VRK2: variants seen among roughly 807,000 people sequenced by gnomAD.
VRK2 encodes VRK serine/threonine kinase 2, also known as serine/threonine-protein kinase VRK2.
In VRK2, 60 loss-of-function variants were observed where a neutral mutation model predicts 57.6. The observed-to-expected ratio is 1.04, with a 90% confidence interval of 0.85 to 1.29. VRK2 has a LOEUF of 1.29. VRK2 is among the 50% of genes most tolerant of loss of function. VRK2 has a pLI of 0.00. For missense variants in VRK2, 705 were observed against 588.1 expected (o/e 1.20, Z -2.06); for synonymous variants, 231 against 199.2 (o/e 1.16, Z -1.35).
intron 1 of VRK2, among the ~76,000 whole-genome samples, chr2:57,918,732 C>G (rs1381500603): frequency 1.3e-5 from 2 of 152,080 alleles, no homozygotes; most frequent in Admixed American, 1.3e-4. Flanking sequence ...AGAAAACTCA[C>G]TTCTACTTTT....
At chr2:58,126,378 T>A (rs1396658371) in intron 8 of VRK2, among the ~76,000 whole-genome samples, 1 of 152,110 alleles carries the variant, frequency 6.6e-6, no homozygotes, top group Admixed American at 6.5e-5. Context: ...AATCTCATTT[T>A]TCTATGGATT....
intron 7 of VRK2, among the ~76,000 whole-genome samples, chr2:58,096,713 T>A (rs951615943): frequency 3.3e-5 from 5 of 151,816 alleles, no homozygotes; most frequent in Non-Finnish European, 7.4e-5. Context: ...TTATTATTAA[T>A]TTCTGACTTT....
chr2:58,031,702 T>C (rs1215939670), intron 2 of VRK2, among the ~76,000 whole-genome samples: 1 of 152,074 alleles, frequency 6.6e-6, no homozygotes, highest in East Asian at 1.9e-4. Flanking sequence ...TTCCTAAAAT[T>C]TTCTGGACTT....
At chr2:58,028,903 AATATAT>A (rs58729342) in intron 2 of VRK2, among the ~76,000 whole-genome samples, 1,802 of 53,868 alleles carry the variant, frequency 0.033, 35 homozygotes, top group African/African-American at 0.056. Context: ...TAAATAAATA[AATATAT>A]ATATATATAT....
intron 12 of VRK2, among the ~76,000 whole-genome samples, chr2:58,149,991 C>CTTTTTT (rs1682748008): frequency 9.8e-6 from 1 of 102,548 alleles, no homozygotes; most frequent in Non-Finnish European, 2.0e-5. Flanking sequence ...TTTTCTTTTT[C>CTTTTTT]TTTTCTTTTT....
chr2:57,986,903 T>G (rs995817116), intron 1 of VRK2, among the ~76,000 whole-genome samples: 1 of 152,176 alleles, frequency 6.6e-6, no homozygotes, highest in East Asian at 1.9e-4. Flanking sequence ...CCAGCCTCAA[T>G]TGATTTTTGA....
intron 12 of VRK2, among the ~76,000 whole-genome samples, chr2:58,158,898 C>CT (rs1684504623): frequency 6.6e-6 from 1 of 152,082 alleles, no homozygotes; most frequent in Non-Finnish European, 1.5e-5. Flanking sequence ...TGTGTACAGC[C>CT]TCATCCTTTG....
intron 1 of VRK2, among the ~76,000 whole-genome samples, chr2:58,004,025 T>G (rs1199444449): frequency 6.6e-6 from 1 of 152,170 alleles, no homozygotes. Flanking sequence ...AAATGCTTTC[T>G]CTCTTTACTT....
At chr2:58,120,051 C>A (rs1324826898) in intron 7 of VRK2, among the ~76,000 whole-genome samples, 1 of 151,798 alleles carries the variant, frequency 6.6e-6, no homozygotes, top group Non-Finnish European at 1.5e-5. Context: ...AGAGTGCATG[C>A]TCCTCAAGGT....
At chr2:58,026,711 T>C (rs897675387) in intron 2 of VRK2, 3 of 152,084 alleles carry the variant, frequency 2.0e-5, no homozygotes, top group African/African-American at 7.2e-5. Context: ...TTAGCAGTTT[T>C]TTTGTTTATT....
At position 57,968,645 on chromosome 2, in the gene VRK2, G is replaced by A. The variant is rs569083079; in HGVS notation, c.-438-57020G>A. ...ATGTTATCAGAGAATATACCATTTC[G>A]TACTTTTTCACACACGGAAAAATAA... On this transcript the variant is annotated intron_variant, in intron 1 of 15. Transcript: ENST00000417641. 6.6e-5 allele frequency among the ~76,000 whole-genome samples: 10 copies of A among 152,090 alleles called. No homozygotes were observed. In the South Asian group the frequency reaches 1.9e-3, roughly 28 times the overall value.
chr2:58,058,101 A>G (rs1311555253), intron 2 of VRK2, among the ~76,000 whole-genome samples: 1 of 152,158 alleles, frequency 6.6e-6, no homozygotes, highest in Non-Finnish European at 1.5e-5. Flanking sequence ...TTGTTTGACT[A>G]GCTCAGAATA....
intron 12 of VRK2, among the ~76,000 whole-genome samples, chr2:58,159,088 A>AAATT (rs1684581329): frequency 6.6e-6 from 1 of 152,156 alleles, no homozygotes; most frequent in African/African-American, 2.4e-5. Flanking sequence ...TTTAGATTAT[A>AAATT]AATTACTTAA....
chr2:57,980,962 G>T (rs1215178417), intron 1 of VRK2, among the ~76,000 whole-genome samples: 1 of 152,122 alleles, frequency 6.6e-6, no homozygotes, highest in East Asian at 1.9e-4. Context: ...ACAGTATACA[G>T]TTGGGTCTTG....
intron 7 of VRK2, among the ~76,000 whole-genome samples, chr2:58,090,782 T>A (rs1247573995): frequency 6.6e-6 from 1 of 152,190 alleles, no homozygotes; most frequent in Non-Finnish European, 1.5e-5. Context: ...GGTTTATTCA[T>A]ACTCGTCAAA....
intron 2 of VRK2, among the ~76,000 whole-genome samples, chr2:58,056,532 T>C (rs559035473): frequency 4.0e-4 from 61 of 152,286 alleles, no homozygotes; most frequent in African/African-American, 1.4e-3. Flanking sequence ...AATTCTCAGC[T>C]TTGGCTCATG....
chr2:58,063,449 T>A (rs1463749959), intron 2 of VRK2, among the ~76,000 whole-genome samples: 1 of 152,044 alleles, frequency 6.6e-6, no homozygotes, highest in Non-Finnish European at 1.5e-5. Context: ...ATACCCTGAC[T>A]TGGTCACTAT....
chr2:57,908,885 A>G (rs1669905534), intron 1 of VRK2, among the ~76,000 whole-genome samples: 1 of 152,148 alleles, frequency 6.6e-6, no homozygotes. Context: ...ACTTGGGGTG[A>G]TTTCTTGTAA....
intron 7 of VRK2, among the ~76,000 whole-genome samples, chr2:58,118,822 G>T (rs989223992): frequency 6.6e-6 from 1 of 152,178 alleles, no homozygotes; most frequent in African/African-American, 2.4e-5. Context: ...ATAGGGGTGG[G>T]GCCGTTTTAT....
Sources: allele counts gnomAD v4.1 joint callset (sites outside exome capture counted in the v4.1 genomes callset), GRCh38; gene constraint gnomAD v4.1.1; transcripts MANE v1.5; gene names NCBI Gene and HGNC (gene_info 2026-07-23, HGNC 2026-07-21).